Variants in CCDC191 observed in about 807,000 individuals in gnomAD.
CCDC191 encodes coiled-coil domain containing 191.
In CCDC191, 99 loss-of-function variants were observed where a neutral mutation model predicts 114.0. The observed-to-expected ratio is 0.87, with a 90% CI of 0.74 to 1.03. The LOEUF (loss-of-function observed/expected upper bound fraction) is 1.03. Ranked by LOEUF, CCDC191 falls within the 50% of genes least tolerant of loss-of-function variation. CCDC191 has a pLI of 0.00. For synonymous variants in CCDC191, 351 were observed against 376.0 expected, an observed-to-expected ratio of 0.93 and a Z score of 0.77; for missense variants, 973 against 1,087.0, an observed-to-expected ratio of 0.90 and a Z score of 1.47.
At chr3:114,007,807 C>T (rs1419384526) in intron 9 of CCDC191, among the ~76,000 whole-genome samples, 1 of 151,922 alleles carries the variant, frequency 6.6e-6, no homozygotes, top group Non-Finnish European at 1.5e-5. Context: ...GTTCCTATGA[C>T]TGTATAATTA....
Position 113,965,268 on chromosome 3 carries a change from G to A in CCDC191, c.2698C>T (p.Arg900Cys), listed in dbSNP as rs369421288. The A allele has an allele frequency of 1.6e-5, 26 of 1,611,328 alleles. No homozygotes were observed. Among genetic ancestry groups the A allele is most frequent in the East Asian group, 4.5e-5 (2 of 44,718 alleles). The change falls in exon 17 of 17, where the codon CGT (arginine) becomes TGT (cysteine). Residue 900 changes from arginine to cysteine, a missense_variant. Transcript: ENST00000295878. ...GGAAGAATTTCAACTACCTTCCTAC[G>A]AAGTTGCTGTCGCCTTTCTTCTTTT... Reference protein sequence around the residue: ...RVKEERRQQLRRKVVEILPDF... With the variant: ...RVKEERRQQLCRKVVEILPDF...
intron 12 of CCDC191, 130 bp from the exon 13 acceptor site, chr3:114,001,826 A>G: frequency 8.8e-7 from 1 of 1,141,354 alleles, no homozygotes; most frequent in Non-Finnish European, 1.2e-6. Flanking sequence ...GCATTTTGTG[A>G]TAAAAGTAGA....
chr3:114,002,440 AT>A lies in CCDC191; in HGVS notation c.2061+15del, dbSNP rs763772090. 159 of 1,571,376 alleles carry A rather than the reference AT, an allele frequency of 1.0e-4. No homozygotes were observed. The highest frequency in any genetic ancestry group is 1.3e-4 in the Non-Finnish European group (148 of 1,149,780). The stretch of plus-strand genomic sequence containing the variant: ...ATCCTTCTTTTTTGACTCAGTTTGC[AT>A]TTTGAATCTATTACCAATTTTTCTT... On this transcript the variant is annotated intron_variant, in intron 12 of 16. Coordinates refer to ENST00000295878, the MANE Select transcript of CCDC191 (RefSeq NM_020817.2).
rs138585891 is a variant in CCDC191 at position 114,003,712 on chromosome 3, T to G, written c.1978+925A>C. On this transcript the variant is annotated intron_variant, in intron 11 of 16. Transcript: ENST00000295878. Reference sequence around the variant, plus strand: ...CAGCATAAATTGCTGTCCTGGCAGATAGTTAATGCAAAGACTGCCAATTTC... The same window carrying G: ...CAGCATAAATTGCTGTCCTGGCAGAGAGTTAATGCAAAGACTGCCAATTTC... The G allele has an allele frequency of 7.1e-6, 7 of 985,328 alleles. No homozygotes were observed. The African/African-American group carries it at 1.2e-4, about 17-fold the overall frequency. The allele number at this position is 985,328 out of a possible 1,614,324, so 61.0% of individuals were successfully genotyped here. A position where few individuals can be genotyped will look rare whatever the true frequency, so the allele number is the denominator to read the frequency against.
chr3:114,003,589 G>A (rs1221634985), intron 11 of CCDC191: 15 of 985,164 alleles, frequency 1.5e-5, no homozygotes, highest in Non-Finnish European at 1.8e-5. Context: ...AGTAGACTGG[G>A]CTTCTAAAAT....
rs762440898 is a variant in CCDC191 at position 114,042,831 on chromosome 3, T to C, written c.287A>G (p.Asn96Ser). The change falls in exon 4 of 17, where the codon AAT becomes AGT. Residue 96 changes from asparagine (N) to serine (S), a missense_variant. Coordinates refer to ENST00000295878, the MANE Select transcript of CCDC191 (RefSeq NM_020817.2). Reference protein sequence around the residue: ...EIYAEAQELVNDWLDTKLKQE... With the variant: ...EIYAEAQELVSDWLDTKLKQE... ...CTTAAGTTTGGTGTCTAACCAGTCATTGACCAGCTCCTGAGCTACAATAAA... is the reference window on the plus strand; with the variant it reads ...CTTAAGTTTGGTGTCTAACCAGTCACTGACCAGCTCCTGAGCTACAATAAA... 1.9e-6 allele frequency: 3 copies of C among 1,600,666 alleles called. No individual in the cohort carries two copies. Among genetic ancestry groups the C allele is most frequent in the East Asian group, 4.5e-5 (2 of 44,166 alleles).
At chr3:114,001,223 C>T (rs748954153) in intron 13 of CCDC191, among the ~76,000 whole-genome samples, 2 of 152,162 alleles carry the variant, frequency 1.3e-5, no homozygotes, top group Admixed American at 6.5e-5. Flanking sequence ...GTTCCCTTAA[C>T]CCTTATGGAG....
At chr3:113,982,053 A>G (rs1352899748) in intron 13 of CCDC191, among the ~76,000 whole-genome samples, 1 of 152,224 alleles carries the variant, frequency 6.6e-6, no homozygotes, top group African/African-American at 2.4e-5. Flanking sequence ...TCTTGCAGAG[A>G]GACATCTAAT....
intron 3 of CCDC191, among the ~76,000 whole-genome samples, chr3:114,045,661 T>C (rs930307067): frequency 6.6e-6 from 1 of 152,154 alleles, no homozygotes; most frequent in Admixed American, 6.6e-5. Flanking sequence ...CTATGTGACA[T>C]ACCTTCTCCT....
chr3:114,053,446 TA>T (rs960313886), intron 2 of CCDC191, 150 bp downstream of exon 2: 3 of 455,356 alleles, frequency 6.6e-6, no homozygotes, highest in African/African-American at 6.1e-5. Context: ...AAAAAAATAC[TA>T]AAAAGTATAA....
intron 16 of CCDC191, among the ~76,000 whole-genome samples, chr3:113,974,311 T>C (rs143591717): frequency 1.3e-5 from 2 of 149,878 alleles, no homozygotes; most frequent in East Asian, 3.9e-4. Context: ...TGGTTCCCCA[T>C]TTGCTGTTTT....
chr3:114,056,243 T>C, intron 1 of CCDC191, 134 bp downstream of exon 1: 1 of 788,798 alleles, frequency 1.3e-6, no homozygotes, highest in Non-Finnish European at 2.1e-6. Flanking sequence ...TAATGCTGGC[T>C]TTGGGGCGGT....
intron 5 of CCDC191, 38 bp from the exon 6 acceptor site, chr3:114,035,186 C>G: frequency 6.8e-7 from 1 of 1,477,832 alleles, no homozygotes; most frequent in Non-Finnish European, 9.4e-7. Flanking sequence ...TGTGGCCTTT[C>G]AAGTAGAAAG....
rs368186123 is a variant in CCDC191 at position 114,017,392 on chromosome 3, G to A, written c.1163+1286C>T. Among the ~76,000 whole-genome samples, 15 of 152,240 alleles carry A rather than the reference G, an allele frequency of 9.9e-5. No homozygotes were observed. The South Asian group carries it at 1.2e-3, about 13-fold the overall frequency. On this transcript the variant is annotated intron_variant, in intron 8 of 16. Coordinates refer to ENST00000295878, the MANE Select transcript of CCDC191 (RefSeq NM_020817.2). ...TCTTGCCACGTTCTCAGCAGCAGAT[G>A]GAGATGTATTATTCAGTTTACAATA...
At chr3:113,970,902 A>G (rs1003448700) in intron 16 of CCDC191, among the ~76,000 whole-genome samples, 1 of 152,012 alleles carries the variant, frequency 6.6e-6, no homozygotes, top group Admixed American at 6.5e-5. Flanking sequence ...TGAACTCATC[A>G]TTTTTTATGG....
intron 2 of CCDC191, among the ~76,000 whole-genome samples, chr3:114,048,909 T>C (rs1487975258): frequency 6.6e-6 from 1 of 152,248 alleles, no homozygotes; most frequent in Non-Finnish European, 1.5e-5. Context: ...GAAAACTTTA[T>C]TCAGAAAAGC....
At chr3:114,002,307 G>T in intron 12 of CCDC191, 149 bp downstream of exon 12, 1 of 566,648 alleles carries the variant, frequency 1.8e-6, no homozygotes, top group Non-Finnish European at 3.1e-6. Context: ...AAATTGTCAC[G>T]GAATTCAGGC....
chr3:114,011,152 T>A, intron 8 of CCDC191, 131 bp from the exon 9 acceptor site: 1 of 1,021,906 alleles, frequency 9.8e-7, no homozygotes, highest in Non-Finnish European at 1.4e-6. Flanking sequence ...CATTTTATAT[T>A]AAGCTAAATG....
intron 1 of CCDC191, among the ~76,000 whole-genome samples, chr3:114,055,949 A>G (rs2076769195): frequency 6.6e-6 from 1 of 151,954 alleles, no homozygotes; most frequent in Admixed American, 6.5e-5. Context: ...AAGGGGCAGG[A>G]ATATAGGCAG....
Sources: allele counts gnomAD v4.1 joint callset (sites outside exome capture counted in the v4.1 genomes callset), GRCh38; gene constraint gnomAD v4.1.1; transcripts MANE v1.5; gene names NCBI Gene and HGNC (gene_info 2026-07-23, HGNC 2026-07-21).